The following SORCS3 variants were observed in gnomAD, a reference collection of about 807,000 sequenced individuals.
The protein encoded by SORCS3 is sortilin related VPS10 domain containing receptor 3, also known as VPS10 domain-containing receptor SorCS3.
SORCS3 carries 57 observed loss-of-function variants against 146.3 expected under a neutral mutation model. That is an observed-to-expected ratio of 0.39 (90% CI 0.31 to 0.49). The LOEUF is 0.49. SORCS3 is among the 20% of genes least tolerant of loss of function. The pLI, the probability that SORCS3 is intolerant of heterozygous loss-of-function variation, is 0.92. For synonymous variants in SORCS3, 653 were observed against 618.5 expected (o/e 1.06, Z -0.83); for missense variants, 1,341 against 1,575.5 (o/e 0.85, Z 2.52).
At chr10:104,755,680 G>C (rs1352263198) in intron 1 of SORCS3, among the ~76,000 whole-genome samples, 1 of 152,192 alleles carries the variant, frequency 6.6e-6, no homozygotes, top group Non-Finnish European at 1.5e-5. Flanking sequence ...AAACCTAGAA[G>C]CAGAGGTATG....
intron 21 of SORCS3, among the ~76,000 whole-genome samples, chr10:105,246,639 G>A (rs181861520): frequency 6.6e-6 from 1 of 152,266 alleles, no homozygotes; most frequent in African/African-American, 2.4e-5. Context: ...TGGAAGGTTT[G>A]TGTGTTTCTT....
chr10:105,242,842 T>A (rs1314304619), intron 20 of SORCS3, among the ~76,000 whole-genome samples: 4 of 88,670 alleles, frequency 4.5e-5, no homozygotes, highest in Admixed American at 1.7e-4. Context: ...ATATATATAT[T>A]TTTATATATA....
chr10:105,099,770 A>G (rs1174870), intron 6 of SORCS3, among the ~76,000 whole-genome samples: 24,112 of 152,086 alleles, frequency 0.16, 2,091 homozygotes, highest in Middle Eastern at 0.2. Flanking sequence ...TTAGGAAGAA[A>G]AGAAGGCTAA....
chr10:105,208,166 C>A (rs1031919348), intron 16 of SORCS3, among the ~76,000 whole-genome samples: 11 of 152,148 alleles, frequency 7.2e-5, no homozygotes, highest in African/African-American at 2.6e-4. Context: ...AACGGCAAAA[C>A]CCCGTCTCTA....
intron 5 of SORCS3, among the ~76,000 whole-genome samples, chr10:105,081,142 T>G (rs10884086): frequency 0.23 from 34,501 of 152,006 alleles, 4,108 homozygotes; most frequent in Admixed American, 0.34. Context: ...ATTATCATTT[T>G]TAAATTTAAA....
At chr10:105,166,463 A>G (rs1329123089) in intron 12 of SORCS3, among the ~76,000 whole-genome samples, 2 of 152,196 alleles carry the variant, frequency 1.3e-5, no homozygotes, top group Non-Finnish European at 2.9e-5. Flanking sequence ...TAAAAGTCAT[A>G]TCTGGTATAA....
intron 9 of SORCS3, among the ~76,000 whole-genome samples, chr10:105,154,712 G>A (rs775068049): frequency 2.0e-4 from 31 of 152,328 alleles, no homozygotes; most frequent in Middle Eastern, 6.8e-3. Context: ...TAGTGAGGGT[G>A]CGTAGTCTTC....
chr10:104,970,503 G>A (rs561527381), intron 3 of SORCS3, among the ~76,000 whole-genome samples: 3 of 152,236 alleles, frequency 2.0e-5, no homozygotes, highest in African/African-American at 7.2e-5. Context: ...GCTTCCTCAG[G>A]TTTTCTCAAG....
intron 2 of SORCS3, among the ~76,000 whole-genome samples, chr10:104,893,978 C>T (rs1424377326): frequency 2.0e-5 from 3 of 152,214 alleles, no homozygotes; most frequent in African/African-American, 7.2e-5. Context: ...GCTATGTCTA[C>T]TCCCTGTCAA....
chr10:104,680,840 A>T (rs2015962107), intron 1 of SORCS3, among the ~76,000 whole-genome samples: 1 of 152,206 alleles, frequency 6.6e-6, no homozygotes, highest in Non-Finnish European at 1.5e-5. Flanking sequence ...AGAGTTCTGA[A>T]TCGCTCCTGA....
At chr10:104,642,186 G>A (rs2015429720) in intron 1 of SORCS3, among the ~76,000 whole-genome samples, 1 of 152,212 alleles carries the variant, frequency 6.6e-6, no homozygotes, top group Non-Finnish European at 1.5e-5. Flanking sequence ...CGGCCGCCGG[G>A]AGGGGAGTGG....
intron 2 of SORCS3, among the ~76,000 whole-genome samples, chr10:104,869,349 T>G (rs1052108570): frequency 1.3e-5 from 2 of 152,140 alleles, no homozygotes; most frequent in African/African-American, 4.8e-5. Flanking sequence ...ATGTTGAAGA[T>G]CAAACAGTCA....
At chr10:105,184,405 G>T (rs759993009) in intron 14 of SORCS3, among the ~76,000 whole-genome samples, 2 of 152,138 alleles carry the variant, frequency 1.3e-5, no homozygotes, top group East Asian at 1.9e-4. Context: ...CTCTCAGCTT[G>T]TGGGCCGTCC....
intron 2 of SORCS3, among the ~76,000 whole-genome samples, chr10:104,897,294 A>T (rs1388659848): frequency 1.3e-5 from 2 of 152,218 alleles, no homozygotes; most frequent in South Asian, 4.1e-4. Flanking sequence ...ACACGAAGTC[A>T]TTGACTATTT....
chr10:104,869,190 A>G (rs74155056), intron 2 of SORCS3, among the ~76,000 whole-genome samples: 6,445 of 152,008 alleles, frequency 0.042, 181 homozygotes, highest in East Asian at 0.14. Flanking sequence ...TATATTACAT[A>G]TATTTATATG....
chr10:104,893,590 C>T (rs551073155), intron 2 of SORCS3, among the ~76,000 whole-genome samples: 2 of 152,318 alleles, frequency 1.3e-5, no homozygotes, highest in South Asian at 4.1e-4. Context: ...CCCTTTATGC[C>T]TTGACTGACT....
At chr10:104,686,392 G>A (rs1210168850) in intron 1 of SORCS3, among the ~76,000 whole-genome samples, 4 of 152,144 alleles carry the variant, frequency 2.6e-5, no homozygotes, top group South Asian at 2.1e-4. Context: ...AACTGCTGCA[G>A]GCTTAGACTG....
intron 14 of SORCS3, among the ~76,000 whole-genome samples, chr10:105,194,552 T>A (rs770988506): frequency 1.3e-5 from 2 of 152,200 alleles, no homozygotes; most frequent in African/African-American, 2.4e-5. Flanking sequence ...TTGGCCATAC[T>A]AAGAATTCGT....
intron 3 of SORCS3, among the ~76,000 whole-genome samples, chr10:104,944,588 C>T (rs2019350989): frequency 6.6e-6 from 1 of 152,046 alleles, no homozygotes; most frequent in African/African-American, 2.4e-5. Context: ...TCTTAATGAG[C>T]AATAAACATT....
Sources: allele counts gnomAD v4.1 joint callset (sites outside exome capture counted in the v4.1 genomes callset), GRCh38; gene constraint gnomAD v4.1.1; transcripts MANE v1.5; gene names NCBI Gene and HGNC (gene_info 2026-07-23, HGNC 2026-07-21).